Variants in RUSC2 observed in about 807,000 individuals in gnomAD.
The protein encoded by RUSC2 is AP-4 complex accessory subunit RUSC2.
In RUSC2, 34 loss-of-function variants were observed where a neutral mutation model predicts 122.2. That is an observed-to-expected ratio of 0.28 (90% CI 0.21 to 0.37). The LOEUF is 0.37. Among genes scored for constraint, RUSC2 ranks in the 10% least tolerant of loss-of-function variants. The probability of loss-of-function intolerance (pLI) is 1.00; values close to 1 mark genes in which losing one functional copy is unlikely to be tolerated. For missense variants in RUSC2, 1,747 were observed against 1,952.4 expected (o/e 0.89, Z 1.98); for synonymous variants, 784 against 790.0 (o/e 0.99, Z 0.13).
rs370985272 is a variant in RUSC2 at position 35,492,161 on chromosome 9, C to G, written c.-93+1989C>G. On this transcript the variant is annotated intron_variant, in intron 1 of 11. Transcript: ENST00000361226. ...GTTATTTTTCTCCTCACCTCCAATA[C>G]TTCAGTGTTGCCAGATAAAACGCAG... Among the ~76,000 whole-genome samples the G allele has an allele frequency of 2.6e-3, 402 of 152,212 alleles. 4 individuals are homozygous for G. Among genetic ancestry groups the G allele is most frequent in the African/African-American group, 9.3e-3 (385 of 41,536 alleles).
intron 1 of RUSC2, among the ~76,000 whole-genome samples, chr9:35,523,570 C>T (rs1821258200): frequency 6.6e-6 from 1 of 151,998 alleles, no homozygotes; most frequent in Non-Finnish European, 1.5e-5. Flanking sequence ...AATCCTGTCA[C>T]TTTGGGAGGC....
At position 35,560,541 on chromosome 9, in the gene RUSC2, G is replaced by A. The variant is rs776479030; in HGVS notation, c.3901G>A (p.Glu1301Lys). The A allele has an allele frequency of 2.1e-5, 34 of 1,614,162 alleles. 1 individual carries two copies. The highest frequency in any genetic ancestry group is 1.6e-4 in the Middle Eastern group (1 of 6,062). The stretch of plus-strand genomic sequence containing the variant: ...TCGTGGTAGCAGCAACAGCAGCAGC[G>A]AGAAAAAGAAAGGGGCAGGAGGTGG... ...FPRGSSNSSS[E>K]KKKGAGGGGP... The change falls in exon 10 of 12, where the codon GAG becomes AAG. Residue 1301 changes from glutamate (E) to lysine (K), a missense_variant. Transcript: ENST00000361226.
At position 35,522,369 on chromosome 9, in the gene RUSC2, G is replaced by GC. The variant is rs538265094; in HGVS notation, c.-92-24055dup. Among the ~76,000 whole-genome samples, 35 of 152,318 alleles carry GC rather than the reference G, an allele frequency of 2.3e-4. No homozygotes were observed. In the East Asian group the frequency reaches 3.5e-3, roughly 15 times the overall value. On this transcript the variant is annotated intron_variant, in intron 1 of 11. Coordinates refer to ENST00000361226, the MANE Select transcript of RUSC2 (RefSeq NM_014806.5). The stretch of plus-strand genomic sequence containing the variant: ...AGGGTTCCCTGGAGGTGCCTCTGGG[G>GC]CCCCCCACAGTAAGGAGAGGGAATT...
Position 35,561,199 on chromosome 9 carries a change from C to T in RUSC2, c.4368C>T (p.Cys1456=), listed in dbSNP as rs1166100650. The T allele has an allele frequency of 8.1e-6, 13 of 1,613,954 alleles. No individual in the cohort carries two copies. The highest frequency in any genetic ancestry group is 1.1e-5 in the Non-Finnish European group (13 of 1,180,010). ...TCCCCAGTGAGGTGCAGGCACTGTG[C>T]CACCACCTGGCCACCGGCCCTGGAC... ...SSPPCEVQAL[C]HHLATGPGQL... Residue 1456 remains cysteine (C), a synonymous_variant, in exon 12 of 12, where the codon TGC becomes TGT. Coordinates refer to ENST00000361226, the MANE Select transcript of RUSC2 (RefSeq NM_014806.5).
At chr9:35,498,422 C>T (rs1820760882) in intron 1 of RUSC2, among the ~76,000 whole-genome samples, 1 of 151,932 alleles carries the variant, frequency 6.6e-6, no homozygotes, top group Non-Finnish European at 1.5e-5. Flanking sequence ...GCCTGTAATC[C>T]CAGCTACTTG....
intron 2 of RUSC2, 62 bp from the exon 3 acceptor site, chr9:35,554,998 G>A (rs549954401): frequency 6.3e-7 from 1 of 1,588,838 alleles, no homozygotes; most frequent in African/African-American, 1.3e-5. Flanking sequence ...CTGCTTCTGG[G>A]TTTTCTCTCA....
Position 35,546,793 on chromosome 9 carries a change from G to C in RUSC2, c.272G>C (p.Gly91Ala), listed in dbSNP as rs767621794. The change falls in exon 2 of 12, where the codon GGA becomes GCA. Residue 91 changes from glycine (G) to alanine (A), a missense_variant. Gly to Ala is a moderately conservative substitution (Grantham distance 60). Coordinates refer to ENST00000361226, the MANE Select transcript of RUSC2 (RefSeq NM_014806.5). The surrounding 1 kb of genome is among the most constrained non-coding windows in gnomAD (Gnocchi z 4.3). The stretch of plus-strand genomic sequence containing the variant: ...AGCACCAAGAGTAGGAGTCGGGATG[G>C]AAGAGGCCCTGGAGCCCCCAAACGA... Reference protein sequence around the residue: ...IDSTKSRSRDGRGPGAPKRHN... With the variant: ...IDSTKSRSRDARGPGAPKRHN... 16 of 1,610,410 alleles carry C rather than the reference G, an allele frequency of 9.9e-6. 1 individual carries two copies. The South Asian group carries it at 1.8e-4, about 18-fold the overall frequency.
At chr9:35,526,796 A>G (rs1034691854) in intron 1 of RUSC2, among the ~76,000 whole-genome samples, 3 of 152,250 alleles carry the variant, frequency 2.0e-5, no homozygotes, top group Middle Eastern at 3.4e-3. Flanking sequence ...AAGCCACACA[A>G]AAAATTTTTG....
In RUSC2 at chr9:35,560,213, G is replaced by A; in HGVS notation, c.3573G>A (p.Leu1191=). 1 of 1,604,740 alleles carries A rather than the reference G, an allele frequency of 6.2e-7. No homozygotes were observed. The highest frequency in any genetic ancestry group is 8.5e-7 in the Non-Finnish European group (1 of 1,179,388). The part of the protein sequence containing the change: ...SGQQQRQHKE[L]LRVSQDLLLS... ...AGCAGCAGCGGCAGCACAAGGAACTGCTGCGGGTGTCCCAGGACCTGCTGC... is the reference window on the plus strand; with the variant it reads ...AGCAGCAGCGGCAGCACAAGGAACTACTGCGGGTGTCCCAGGACCTGCTGC... The change falls in exon 10 of 12, where the codon CTG becomes CTA. Residue 1191 remains leucine (L), a synonymous_variant. Coordinates refer to ENST00000361226, the MANE Select transcript of RUSC2 (RefSeq NM_014806.5).
intron 1 of RUSC2, among the ~76,000 whole-genome samples, chr9:35,513,390 G>A (rs968489661): frequency 7.9e-5 from 12 of 151,880 alleles, no homozygotes; most frequent in Admixed American, 2.0e-4. Context: ...TTACAGACAC[G>A]TGCCACCATG....
chr9:35,494,780 T>C (rs1820644094), intron 1 of RUSC2, among the ~76,000 whole-genome samples: 1 of 150,912 alleles, frequency 6.6e-6, no homozygotes, highest in South Asian at 2.1e-4. Flanking sequence ...TGCACGAAAG[T>C]TTTTAAATTT....
At position 35,497,986 on chromosome 9, in the gene RUSC2, TAAAA is replaced by T. The variant is rs554409055; in HGVS notation, c.-93+7817_-93+7820del. ...TTGCCTATATTCTCAGCTAATTAAATAAAAAAGCTGGTTTTTATGTGTTGATTTT... is the reference window on the plus strand; with the variant it reads ...TTGCCTATATTCTCAGCTAATTAAATAAGCTGGTTTTTATGTGTTGATTTT... On this transcript the variant is annotated intron_variant, in intron 1 of 11. Transcript: ENST00000361226. Among the ~76,000 whole-genome samples the T allele has an allele frequency of 1.9e-3, 293 of 152,264 alleles. 1 individual carries two copies. Among genetic ancestry groups the T allele is most frequent in the African/African-American group, 6.7e-3 (280 of 41,554 alleles).
At chr9:35,540,074 A>G (rs564592641) in intron 1 of RUSC2, among the ~76,000 whole-genome samples, 6 of 152,228 alleles carry the variant, frequency 3.9e-5, no homozygotes, top group Non-Finnish European at 8.8e-5. Context: ...ATTGCTGAGC[A>G]GGTAGAAAGA....
chr9:35,511,464 C>G (rs563035778), intron 1 of RUSC2, among the ~76,000 whole-genome samples: 8 of 152,266 alleles, frequency 5.3e-5, no homozygotes, highest in African/African-American at 1.7e-4. Context: ...TCCAGAAGCC[C>G]ATCACTGGAT....
rs1385582286 is a variant in RUSC2, at chr9:35,560,847, A to G, written c.4207A>G (p.Asn1403Asp). 6 of 1,536,776 alleles carry G rather than the reference A, an allele frequency of 3.9e-6. No homozygotes were observed. Among genetic ancestry groups the G allele is most frequent in the Admixed American group, 2.1e-5 (1 of 47,826 alleles). ...AGCCCAGCGGGAGGCCCGGCCCACA[A>G]ATAGGTGAGAGCCTGCCCATGGTAG... is the stretch of plus-strand genomic sequence containing the variant. ...RKAQREARPT[N>D]RLPSDWLSLD... Residue 1403 changes from asparagine (N) to aspartate (D), a missense_variant, in exon 10 of 12, where the codon AAT (asparagine) becomes GAT (aspartate). Asn to Asp is a conservative substitution (Grantham distance 23, BLOSUM62 1). Transcript: ENST00000361226.
chr9:35,513,940 T>TATATATA (rs1587842452), intron 1 of RUSC2, among the ~76,000 whole-genome samples: 1 of 97,528 alleles, frequency 1.0e-5, no homozygotes, highest in African/African-American at 3.5e-5. Flanking sequence ...ATATATATAT[T>TATATATA]ACTTTATGTG....
chr9:35,491,113 G>C (rs575105209), intron 1 of RUSC2, among the ~76,000 whole-genome samples: 3 of 151,412 alleles, frequency 2.0e-5, no homozygotes, highest in Admixed American at 2.0e-4. Context: ...AAAAAAAAAG[G>C]CGGAATTTAC....
intron 1 of RUSC2, among the ~76,000 whole-genome samples, chr9:35,492,962 A>G (rs764341827): frequency 6.6e-6 from 1 of 152,072 alleles, no homozygotes; most frequent in South Asian, 2.1e-4. Context: ...TTCGGTTAGC[A>G]TAATGCCTTT....
Position 35,548,010 on chromosome 9 carries a change from C to T in RUSC2, c.1489C>T (p.Arg497Cys), listed in dbSNP as rs1587862564. 3 of 1,614,002 alleles carry T rather than the reference C, an allele frequency of 1.9e-6. No individual in the cohort carries two copies. Among genetic ancestry groups the T allele is most frequent in the Non-Finnish European group, 2.5e-6 (3 of 1,180,050 alleles). ...CCTCAGCACTGGACGTCAGCGCTCC[C>T]GCAGCTATGATCGCAGCCTGCAGCG... ...PNLSTGRQRSRSYDRSLQRSP... is the reference protein window; with the variant it reads ...PNLSTGRQRSCSYDRSLQRSP... Residue 497 changes from arginine to cysteine, a missense_variant, in exon 2 of 12, where the codon CGC (arginine) becomes TGC (cysteine). By Grantham distance (180) the Arg-to-Cys change is radical. Coordinates refer to ENST00000361226, the MANE Select transcript of RUSC2 (RefSeq NM_014806.5). This position sits in a 1 kb window ranked among gnomAD's most constrained non-coding sequence, Gnocchi z 4.5.
Sources: gnomAD v4.1 joint callset for allele counts (sites outside exome capture counted in the v4.1 genomes callset) on GRCh38, gnomAD v4.1.1 for gene constraint, Gnocchi (gnomAD v3.1) non-coding constraint, MANE v1.5 for transcripts, NCBI Gene and HGNC (gene_info 2026-07-23, HGNC 2026-07-21) for gene names.